MAST2: variants seen among roughly 807,000 people sequenced by gnomAD.
MAST2 encodes the protein microtubule associated serine/threonine kinase 2, also known as microtubule-associated serine/threonine-protein kinase 2.
Under a neutral mutation model 147.4 loss-of-function variants are expected in MAST2, and 70 were observed. The ratio of observed to expected loss-of-function variants is 0.47; its 90% CI spans 0.39 to 0.58. MAST2 has a LOEUF of 0.58. Among genes scored for constraint, MAST2 ranks in the 20% least tolerant of loss-of-function variants. The pLI, the probability that MAST2 is intolerant of heterozygous loss-of-function variation, is 0.00. For synonymous variants in MAST2, 869 were observed against 896.8 expected, an observed-to-expected ratio of 0.97 and a Z score of 0.55; for missense variants, 2,080 against 2,302.3, an observed-to-expected ratio of 0.90 and a Z score of 1.98.
chr1:45,903,326 C>T (rs1207462303), intron 4 of MAST2, among the ~76,000 whole-genome samples: 3 of 151,880 alleles, frequency 2.0e-5, no homozygotes, highest in African/African-American at 7.3e-5. Flanking sequence ...GACAGGGTTT[C>T]ACCATGTTGC....
At chr1:45,877,938 T>C (rs1443275649) in intron 3 of MAST2, among the ~76,000 whole-genome samples, 1 of 152,186 alleles carries the variant, frequency 6.6e-6, no homozygotes, top group Non-Finnish European at 1.5e-5. Flanking sequence ...GCACGGTGGC[T>C]CACGCCTGTA....
intron 5 of MAST2, among the ~76,000 whole-genome samples, chr1:45,962,110 T>C (rs1487961450): frequency 2.0e-5 from 3 of 152,128 alleles, no homozygotes; most frequent in African/African-American, 7.2e-5. Context: ...TCATCATTTT[T>C]TATGGCTGCA....
chr1:45,826,365 T>A (rs1224802063), intron 2 of MAST2, among the ~76,000 whole-genome samples: 3 of 152,076 alleles, frequency 2.0e-5, no homozygotes, highest in Non-Finnish European at 4.4e-5. Context: ...ATACCTCACT[T>A]TTTTTTGAGA....
intron 10 of MAST2, 114 bp from the exon 11 acceptor site, chr1:46,019,482 G>C: frequency 1.3e-6 from 1 of 761,818 alleles, no homozygotes; most frequent in Non-Finnish European, 2.2e-6. Context: ...TTGCTTTGCG[G>C]AGCTCTCTAT....
intron 3 of MAST2, among the ~76,000 whole-genome samples, chr1:45,878,875 G>A (rs1194159428): frequency 6.7e-6 from 1 of 150,278 alleles, no homozygotes; most frequent in Non-Finnish European, 1.5e-5. Flanking sequence ...TGTATTATAA[G>A]ACTTGATATT....
intron 4 of MAST2, among the ~76,000 whole-genome samples, chr1:45,943,001 C>A (rs1657526756): frequency 6.6e-6 from 1 of 152,152 alleles, no homozygotes; most frequent in Non-Finnish European, 1.5e-5. Flanking sequence ...GCCAATCAAT[C>A]CCCAATTCTG....
At chr1:45,933,713 C>T (rs539002377) in intron 4 of MAST2, among the ~76,000 whole-genome samples, 2 of 152,032 alleles carry the variant, frequency 1.3e-5, no homozygotes, top group Non-Finnish European at 2.9e-5. Context: ...AAGATCGTGC[C>T]ATTGCACTCT....
chr1:45,979,518 TAGAACCGTGAATGTA>T (rs1644314723), intron 5 of MAST2, among the ~76,000 whole-genome samples: 1 of 151,904 alleles, frequency 6.6e-6, no homozygotes, highest in Admixed American at 6.6e-5. Context: ...TTTCTGGAGC[TAGAACCGTGAATGTA>T]AGTCATTAAT....
chr1:46,032,477 C>G, intron 25 of MAST2, 73 bp downstream of exon 25: 1 of 1,598,614 alleles, frequency 6.3e-7, no homozygotes, highest in Non-Finnish European at 8.6e-7. Context: ...TGGAGCCCAT[C>G]TGTCCCTGCT....
chr1:45,844,785 T>A (rs575026612), intron 3 of MAST2, among the ~76,000 whole-genome samples: 1 of 152,298 alleles, frequency 6.6e-6, no homozygotes, highest in East Asian at 1.9e-4. Flanking sequence ...TGTTGGTTGA[T>A]TGGTTTGTTC....
chr1:45,846,915 TTGA>T (rs1012922598), intron 3 of MAST2: 3 of 204,492 alleles, frequency 1.5e-5, no homozygotes, highest in African/African-American at 7.2e-5. Context: ...TTCTTGTATC[TTGA>T]TGATTATGTA....
At chr1:46,032,488 C>A in intron 25 of MAST2, 84 bp downstream of exon 25, 1 of 1,595,536 alleles carries the variant, frequency 6.3e-7, no homozygotes, top group South Asian at 1.1e-5. Context: ...TGTCCCTGCT[C>A]GGGGGTCAAA....
intron 1 of MAST2, among the ~76,000 whole-genome samples, chr1:45,812,902 G>A (rs912712859): frequency 6.6e-6 from 1 of 152,262 alleles, no homozygotes; most frequent in Middle Eastern, 3.4e-3. Context: ...TGGAGGTTGT[G>A]TTTGATTTTT....
chr1:45,919,858 C>T (rs1265811536), intron 4 of MAST2, among the ~76,000 whole-genome samples: 3 of 148,660 alleles, frequency 2.0e-5, no homozygotes, highest in African/African-American at 5.0e-5. Context: ...TCATTCCATT[C>T]TTCTTTTGTA....
chr1:45,919,226 T>A (rs533183222), intron 4 of MAST2, among the ~76,000 whole-genome samples: 2 of 152,154 alleles, frequency 1.3e-5, no homozygotes, highest in South Asian at 4.2e-4. Context: ...GTGGTCAGAT[T>A]TGGGGATTAT....
intron 4 of MAST2, among the ~76,000 whole-genome samples, chr1:45,941,503 T>C (rs1180764418): frequency 1.3e-5 from 2 of 152,098 alleles, no homozygotes; most frequent in Non-Finnish European, 2.9e-5. Flanking sequence ...TGTGATCCAC[T>C]CACCTTGGCC....
At chr1:45,948,903 CAG>C (rs911562070) in intron 4 of MAST2, among the ~76,000 whole-genome samples, 1 of 151,856 alleles carries the variant, frequency 6.6e-6, no homozygotes, top group Non-Finnish European at 1.5e-5. Flanking sequence ...TTTTAAAAAT[CAG>C]GGGTTTTAAA....
At chr1:46,002,255 G>A (rs1216749692) in intron 6 of MAST2, among the ~76,000 whole-genome samples, 1 of 152,062 alleles carries the variant, frequency 6.6e-6, no homozygotes, top group African/African-American at 2.4e-5. Flanking sequence ...GTCACTCTTC[G>A]ACAGACATTC....
At chr1:45,922,893 A>G (rs564348323) in intron 4 of MAST2, among the ~76,000 whole-genome samples, 133 of 152,208 alleles carry the variant, frequency 8.7e-4, no homozygotes, top group African/African-American at 2.8e-3. Flanking sequence ...GGCTGCTCCA[A>G]CGCATCGAGT....
Sources: gnomAD v4.1 joint callset for allele counts (sites outside exome capture counted in the v4.1 genomes callset) on GRCh38, gnomAD v4.1.1 for gene constraint, MANE v1.5 for transcripts, NCBI Gene and HGNC (gene_info 2026-07-23, HGNC 2026-07-21) for gene names.